Variants in SSBP2 observed in about 807,000 individuals in gnomAD.
The protein encoded by SSBP2 is single stranded DNA binding protein 2.
In SSBP2, 17 loss-of-function variants were observed where a neutral mutation model predicts 61.8. The observed-to-expected ratio is 0.28, with a 90% CI of 0.19 to 0.41. SSBP2 has a LOEUF of 0.41. Among genes scored for constraint, SSBP2 ranks in the 10% least tolerant of loss-of-function variants. The pLI, the probability that SSBP2 is intolerant of heterozygous loss-of-function variation, is 1.00. For synonymous variants in SSBP2, 139 were observed against 141.3 expected, an observed-to-expected ratio of 0.98 and a Z score of 0.12; for missense variants, 310 against 458.7, an observed-to-expected ratio of 0.68 and a Z score of 2.96.
chr5:81,508,141 C>G (rs1768322093), intron 5 of SSBP2, among the ~76,000 whole-genome samples: 1 of 152,098 alleles, frequency 6.6e-6, no homozygotes, highest in Non-Finnish European at 1.5e-5. Context: ...AAACTCAGTT[C>G]TGGGTACCTA....
chr5:81,470,913 TA>T (rs1210062377), intron 8 of SSBP2, among the ~76,000 whole-genome samples: 3 of 151,910 alleles, frequency 2.0e-5, no homozygotes, highest in Non-Finnish European at 2.9e-5. Flanking sequence ...TCTTATGAAA[TA>T]AATACGTCAT....
intron 7 of SSBP2, 114 bp from the exon 8 acceptor site, chr5:81,473,884 GAC>G: frequency 1.1e-6 from 1 of 922,928 alleles, no homozygotes; most frequent in East Asian, 2.5e-5. Context: ...TCTGAGTACT[GAC>G]ACCATCTTAC....
rs1764074237 is a variant in SSBP2 at position 81,455,474 on chromosome 5, C to T, written c.687+5581G>A. ...CTCTACTAAAAATACAAAAAATTAG[C>T]CGGGCGCGGTGGCGGGCGCCTGTAG... On this transcript the variant is annotated intron_variant, in intron 10 of 16. Transcript: ENST00000320672. Among the ~76,000 whole-genome samples, 2 of 96,620 alleles carry T rather than the reference C, an allele frequency of 2.1e-5. 1 individual carries two copies. Among genetic ancestry groups the T allele is most frequent in the African/African-American group, 2.1e-4 (2 of 9,418 alleles). 63.4% of individuals were successfully genotyped at this position (96,620 alleles called of 152,430 possible).
At chr5:81,723,778 A>G (rs1011928734) in intron 1 of SSBP2, among the ~76,000 whole-genome samples, 20 of 152,106 alleles carry the variant, frequency 1.3e-4, no homozygotes, top group African/African-American at 4.3e-4. Context: ...GTTGGACCAG[A>G]CACGGTATAT....
chr5:81,594,768 G>T (rs1743529550), intron 4 of SSBP2, among the ~76,000 whole-genome samples: 1 of 152,150 alleles, frequency 6.6e-6, no homozygotes, highest in Non-Finnish European at 1.5e-5. Flanking sequence ...AATGAAGGCA[G>T]AAATAAAGAT....
At position 81,493,266 on chromosome 5, in the gene SSBP2, A is replaced by ATAGT. The variant is rs1349180038; in HGVS notation, c.373-3958_373-3957insACTA. Among the ~76,000 whole-genome samples the ATAGT allele has an allele frequency of 3.0e-4, 44 of 145,580 alleles. 1 individual carries two copies. The highest frequency in any genetic ancestry group is 1.2e-3 in the African/African-American group (43 of 36,030). On this transcript the variant is annotated intron_variant, in intron 5 of 16. Transcript: ENST00000320672. ...ATGAACAAAACAGATAGATAGATAG[A>ATAGT]TAGATAGATAGATAGATAGATAGAT... is the stretch of plus-strand genomic sequence containing the variant.
At position 81,508,886 on chromosome 5, in the gene SSBP2, C is replaced by A. The variant is rs761031730; in HGVS notation, c.372+4742G>T. ...CTTCATTTGCTAATTATAAATTATT[C>A]TTCTTTACTTTTACTTATTCACTAA... On this transcript the variant is annotated intron_variant, in intron 5 of 16. Coordinates refer to ENST00000320672, the MANE Select transcript of SSBP2 (RefSeq NM_012446.5). 6.6e-5 allele frequency among the ~76,000 whole-genome samples: 10 copies of A among 152,110 alleles called. 1 individual carries two copies. In the South Asian group the frequency reaches 1.4e-3, roughly 22 times the overall value.
intron 5 of SSBP2, among the ~76,000 whole-genome samples, chr5:81,509,225 C>T (rs1768410194): frequency 2.0e-5 from 3 of 152,264 alleles, no homozygotes; most frequent in African/African-American, 7.2e-5. Flanking sequence ...AGCTCTTTTC[C>T]AGTTGCTTCC....
intron 9 of SSBP2, among the ~76,000 whole-genome samples, chr5:81,465,255 T>C (rs564041827): frequency 6.6e-6 from 1 of 152,046 alleles, no homozygotes; most frequent in Non-Finnish European, 1.5e-5. Flanking sequence ...TATGATGTAA[T>C]TGAAAATACT....
At chr5:81,530,143 C>T (rs977312956) in intron 4 of SSBP2, among the ~76,000 whole-genome samples, 6 of 152,012 alleles carry the variant, frequency 3.9e-5, no homozygotes, top group African/African-American at 1.4e-4. Flanking sequence ...TCCTGTGTGA[C>T]ACTGGTCAGT....
In SSBP2 at chr5:81,420,573, T is replaced by C. The variant is rs201710495; in HGVS notation, c.1057-40A>G. 2.4e-5 allele frequency: 37 copies of C among 1,554,012 alleles called. No homozygotes were observed. The Middle Eastern group carries it at 8.4e-4, about 35-fold the overall frequency. ...GAATCCATATTTTAACAACAATTCTTTTAGAGATCACTAAGGTTCTTCTTG... is the reference window on the plus strand; with the variant it reads ...GAATCCATATTTTAACAACAATTCTCTTAGAGATCACTAAGGTTCTTCTTG... On this transcript the variant is annotated intron_variant, in intron 16 of 16. Coordinates refer to ENST00000320672, the MANE Select transcript of SSBP2 (RefSeq NM_012446.5).
intron 16 of SSBP2, among the ~76,000 whole-genome samples, chr5:81,425,455 C>G (rs144003491): frequency 2.5e-3 from 378 of 152,094 alleles, no homozygotes; most frequent in African/African-American, 8.8e-3. Context: ...GATAATCTAC[C>G]ATCTTGTTTG....
At chr5:81,601,727 A>T (rs376066618) in intron 4 of SSBP2, among the ~76,000 whole-genome samples, 145 of 152,274 alleles carry the variant, frequency 9.5e-4, no homozygotes, top group African/African-American at 3.4e-3. Flanking sequence ...CCCCATAATC[A>T]CCAAAGCATC....
At chr5:81,646,413 T>A (rs557207009) in intron 2 of SSBP2, among the ~76,000 whole-genome samples, 12 of 152,270 alleles carry the variant, frequency 7.9e-5, no homozygotes, top group African/African-American at 2.9e-4. Context: ...TACATTCCCA[T>A]GGAACTATTT....
intron 1 of SSBP2, among the ~76,000 whole-genome samples, chr5:81,737,805 A>AC (rs1756727508): frequency 6.9e-6 from 1 of 145,700 alleles, no homozygotes; most frequent in Admixed American, 7.0e-5. Context: ...AAAAAAAAAC[A>AC]AAAAACTCAG....
At chr5:81,520,591 C>G (rs190747094) in intron 4 of SSBP2, among the ~76,000 whole-genome samples, 72 of 151,996 alleles carry the variant, frequency 4.7e-4, no homozygotes, top group African/African-American at 1.7e-3. Flanking sequence ...CAATTGTGGC[C>G]AGGTAAGATG....
chr5:81,440,662 T>C (rs746929342), intron 13 of SSBP2, 26 bp from the exon 14 acceptor site: 1 of 1,521,978 alleles, frequency 6.6e-7, no homozygotes, highest in Non-Finnish European at 9.0e-7. Context: ...AGAAAATCAC[T>C]GTAATCATAC....
intron 6 of SSBP2, 26 bp from the exon 7 acceptor site, chr5:81,474,588 G>A (rs1201158137): frequency 6.6e-7 from 1 of 1,525,638 alleles, no homozygotes; most frequent in Non-Finnish European, 9.0e-7. Flanking sequence ...GAAAAATAAA[G>A]AGCAATATTG....
At chr5:81,547,661 C>T (rs1456943042) in intron 4 of SSBP2, among the ~76,000 whole-genome samples, 3 of 152,008 alleles carry the variant, frequency 2.0e-5, no homozygotes, top group South Asian at 2.1e-4. Context: ...TTTGTAGAGA[C>T]GATGTCTTGC....
Sources: allele counts gnomAD v4.1 joint callset (sites outside exome capture counted in the v4.1 genomes callset), GRCh38; gene constraint gnomAD v4.1.1; transcripts MANE v1.5; gene names NCBI Gene and HGNC (gene_info 2026-07-23, HGNC 2026-07-21).